GRIP2: variants seen among roughly 807,000 people sequenced by gnomAD.
The protein encoded by GRIP2 is glutamate receptor-interacting protein 2.
In GRIP2, 58 loss-of-function variants were observed where a neutral mutation model predicts 108.3. The observed-to-expected ratio is 0.54, with a 90% CI of 0.43 to 0.67. The LOEUF (loss-of-function observed/expected upper bound fraction) is 0.67. GRIP2 is among the 30% of genes least tolerant of loss of function. The pLI is 0.00. For missense variants in GRIP2, 1,278 were observed against 1,430.6 expected, an observed-to-expected ratio of 0.89 and a Z score of 1.72; for synonymous variants, 586 against 598.2, an observed-to-expected ratio of 0.98 and a Z score of 0.30.
rs1019500634 is a variant in GRIP2, at chr3:14,491,787, A to G, written c.*1878T>C. ...GCCACCTGTCCAAGGTCACACAGCT[A>G]TGGCTGCTTGCATCCAGAAGCCACA... On this transcript the variant is annotated 3_prime_UTR_variant, in exon 24 of 24. Coordinates refer to ENST00000621039, the MANE Select transcript of GRIP2 (RefSeq NM_001080423.4). The G allele has an allele frequency of 5.9e-5, 9 of 152,304 alleles. No homozygotes were observed. The highest frequency in any genetic ancestry group is 1.9e-4 in the African/African-American group (8 of 41,460). 9.4% of individuals were successfully genotyped at this position (152,304 alleles called of 1,614,324 possible).
At chr3:14,563,023 A>G in the GRIP2 span, among the ~76,000 whole-genome samples, 3 of 152,164 alleles carry the variant, frequency 2.0e-5, no homozygotes, top group South Asian at 4.2e-4. Context: ...GAAAAAAAAA[A>G]GGAGGGAAAA....
At chr3:14,545,387 C>T (rs1400269228), upstream of GRIP2, among the ~76,000 whole-genome samples, 3 of 152,222 alleles carry the variant, frequency 2.0e-5, no homozygotes, top group East Asian at 1.9e-4. Flanking sequence ...ATGCACACAC[C>T]GAACCACTCT....
Position 14,512,626 on chromosome 3 carries a change from C to A in GRIP2, c.1720+151G>T. The A allele has an allele frequency of 1.5e-6, 1 of 678,110 alleles. No individual in the cohort carries two copies. The highest frequency in any genetic ancestry group is 2.5e-6 in the Non-Finnish European group (1 of 398,558). The allele number at this position is 678,110 out of a possible 1,614,324, so 42.0% of individuals were successfully genotyped here. ...CTCGCTGAGAACACGCAGCTGGGTC[C>A]ACGGAAGCCAGCCTCCCCACACCCC... On this transcript the variant is annotated intron_variant, in intron 14 of 23. Coordinates refer to ENST00000621039, the MANE Select transcript of GRIP2 (RefSeq NM_001080423.4). The surrounding 1 kb of genome is among the most constrained non-coding windows in gnomAD (Gnocchi z 5.1).
chr3:14,597,854 C>T, the GRIP2 span, among the ~76,000 whole-genome samples: 2 of 152,324 alleles, frequency 1.3e-5, no homozygotes, highest in East Asian at 3.9e-4. Context: ...TGACTTCCAC[C>T]ATTCAAAGCT....
chr3:14,499,992 A>G (rs1574990163), intron 21 of GRIP2, among the ~76,000 whole-genome samples: 1 of 152,252 alleles, frequency 6.6e-6, no homozygotes, highest in South Asian at 2.1e-4. Flanking sequence ...CACAGGTTGG[A>G]TAAGCTTGGT....
chr3:14,573,329 G>A, the GRIP2 span: 1 of 1,404,268 alleles, frequency 7.1e-7, no homozygotes, highest in South Asian at 1.2e-5. Context: ...CACTCAGCAG[G>A]TAGATGATGG....
At chr3:14,525,405 C>A (rs369504647) in intron 3 of GRIP2, 32 bp downstream of exon 3, 43 of 1,606,802 alleles carry the variant, frequency 2.7e-5, no homozygotes, top group African/African-American at 8.0e-5. Context: ...TCTGCACCCC[C>A]CTCCTGCGGC....
At chr3:14,599,581 G>C in the GRIP2 span, among the ~76,000 whole-genome samples, 12 of 151,858 alleles carry the variant, frequency 7.9e-5, no homozygotes, top group Non-Finnish European at 1.8e-4. Context: ...CCTGGGGAGG[G>C]GGAGTTGGAA....
intron 1 of GRIP2, among the ~76,000 whole-genome samples, chr3:14,531,783 C>T (rs1451265355): frequency 6.6e-6 from 1 of 152,160 alleles, no homozygotes; most frequent in Non-Finnish European, 1.5e-5. Flanking sequence ...TGCTTGAGGC[C>T]CCATCGAGCG....
intron 20 of GRIP2, 44 bp from the exon 21 acceptor site, chr3:14,503,715 T>A (rs890104326): frequency 2.1e-4 from 11 of 51,752 alleles, no homozygotes; most frequent in South Asian, 1.4e-3. Context: ...GGCAGGCGGG[T>A]GGGCGGGCTG....
chr3:14,531,793 G>A (rs1047399397), intron 1 of GRIP2, among the ~76,000 whole-genome samples: 1 of 152,172 alleles, frequency 6.6e-6, no homozygotes, highest in Non-Finnish European at 1.5e-5. Flanking sequence ...CCCATCGAGC[G>A]GGTTATGTTT....
Position 14,507,604 on chromosome 3 carries a change from C to T in GRIP2, c.2175G>A (p.Val725=). The T allele has an allele frequency of 6.2e-7, 1 of 1,614,030 alleles. No homozygotes were observed. Among genetic ancestry groups the T allele is most frequent in the Non-Finnish European group, 8.5e-7 (1 of 1,179,892 alleles). Residue 725 remains valine, a synonymous_variant, in exon 18 of 24, where the codon GTG becomes GTA. Transcript: ENST00000621039. This position sits in a 1 kb window ranked among gnomAD's most constrained non-coding sequence, Gnocchi z 4.6. ...TCTTCAGTGTGACGGTCTCTCCAGC[C>T]ACCTGCAGGAGGTGGATGGCCTCGC... ...PLSEAIHLLQ[V]AGETVTLKIK... is the part of the protein sequence containing the mutation.
intron 21 of GRIP2, among the ~76,000 whole-genome samples, chr3:14,499,463 C>T (rs1380310246): frequency 6.6e-6 from 1 of 152,112 alleles, no homozygotes; most frequent in Admixed American, 6.6e-5. Context: ...CACCTGTAAT[C>T]CCAGAACTTT....
chr3:14,535,730 A>C (rs868736248), intron 1 of GRIP2, among the ~76,000 whole-genome samples: 1 of 152,254 alleles, frequency 6.6e-6, no homozygotes, highest in African/African-American at 2.4e-5. Context: ...TAAGTGGCAG[A>C]GCCAGGATTG....
At chr3:14,503,471 C>A in intron 21 of GRIP2, 95 bp downstream of exon 21, 2 of 826,640 alleles carry the variant, frequency 2.4e-6, no homozygotes, top group Middle Eastern at 2.3e-4. Flanking sequence ...TACACATGAG[C>A]ATGATGCCAT....
At position 14,493,779 on chromosome 3, in the gene GRIP2, T is replaced by C. The variant is rs756997237; in HGVS notation, c.3018A>G (p.Pro1006=). ...TRDFDCCLAV[P]LLAEAGDVLE... is the part of the protein sequence containing the mutation. ...AGACATCACCCGCCTCGGCCAGGAG[T>C]GGCACCGCCAGGCAGCAGTCGAAGT... The change falls in exon 24 of 24, where the codon CCA becomes CCG. Residue 1006 remains proline (P), a synonymous_variant. Transcript: ENST00000621039. 2 of 1,613,046 alleles carry C rather than the reference T, an allele frequency of 1.2e-6. No individual in the cohort carries two copies. The highest frequency in any genetic ancestry group is 4.5e-5 in the East Asian group (2 of 44,860).
chr3:14,551,031 G>T (rs563752709), intron 1 of GRIP2, among the ~76,000 whole-genome samples: 1 of 152,318 alleles, frequency 6.6e-6, no homozygotes, highest in Admixed American at 6.5e-5. Flanking sequence ...AGCGGGAGGG[G>T]GGAGGCAGCA....
chr3:14,495,907 A>T (rs2124831641), intron 22 of GRIP2, among the ~76,000 whole-genome samples: 1 of 152,284 alleles, frequency 6.6e-6, no homozygotes, highest in East Asian at 1.9e-4. Context: ...GCACTTTGAG[A>T]GGCTGAGGTG....
the GRIP2 span, chr3:14,572,872 C>T: frequency 2.4e-5 from 29 of 1,208,730 alleles, no homozygotes; most frequent in East Asian, 4.3e-4. Flanking sequence ...GCATCCAGTT[C>T]GTACTTCTCG....
Sources: gnomAD v4.1 joint callset for allele counts (sites outside exome capture counted in the v4.1 genomes callset) on GRCh38, gnomAD v4.1.1 for gene constraint, Gnocchi (gnomAD v3.1) non-coding constraint, MANE v1.5 for transcripts, NCBI Gene and HGNC (gene_info 2026-07-23, HGNC 2026-07-21) for gene names.